IFT88: variants seen among roughly 807,000 people sequenced by gnomAD.
The protein encoded by IFT88 is intraflagellar transport protein 88 homolog.
A neutral mutation model predicts 119.5 loss-of-function variants in IFT88; 74 were observed. The observed-to-expected ratio is 0.62, with a 90% CI of 0.51 to 0.75. The LOEUF (loss-of-function observed/expected upper bound fraction) is 0.75. Ranked by LOEUF, IFT88 falls within the 30% of genes least tolerant of loss-of-function variation. IFT88 has a pLI of 0.00. For missense variants in IFT88, 961 were observed against 977.7 expected, an observed-to-expected ratio of 0.98 and a Z score of 0.23; for synonymous variants, 279 against 316.7, an observed-to-expected ratio of 0.88 and a Z score of 1.26.
intron 17 of IFT88, among the ~76,000 whole-genome samples, chr13:20,639,234 A>G (rs992715322): frequency 6.6e-6 from 1 of 151,980 alleles, no homozygotes; most frequent in Non-Finnish European, 1.5e-5. Flanking sequence ...TCTCTTTTCC[A>G]TGTTATGGAC....
At chr13:20,651,260 A>C (rs1417727183) in intron 20 of IFT88, among the ~76,000 whole-genome samples, 4 of 151,884 alleles carry the variant, frequency 2.6e-5, no homozygotes, top group Non-Finnish European at 5.9e-5. Flanking sequence ...CACTTTGAGT[A>C]GTATTGTTTT....
intron 14 of IFT88, among the ~76,000 whole-genome samples, chr13:20,623,759 G>A (rs1487560140): frequency 6.6e-6 from 1 of 152,208 alleles, no homozygotes; most frequent in African/African-American, 2.4e-5. Context: ...ACAGGCGTGA[G>A]CCACCACACC....
intron 22 of IFT88, among the ~76,000 whole-genome samples, chr13:20,660,313 G>A (rs998049922): frequency 1.3e-5 from 2 of 152,198 alleles, no homozygotes; most frequent in African/African-American, 2.4e-5. Flanking sequence ...ATGTGATGGG[G>A]AGAGAGAGGC....
At chr13:20,665,809 G>A (rs1314331940) in intron 23 of IFT88, among the ~76,000 whole-genome samples, 1 of 152,212 alleles carries the variant, frequency 6.6e-6, no homozygotes, top group Non-Finnish European at 1.5e-5. Context: ...GACCGAGAGG[G>A]GAAGGTCTTT....
At chr13:20,690,866 T>C in intron 25 of IFT88, 51 bp downstream of exon 25, 4 of 1,438,070 alleles carry the variant, frequency 2.8e-6, no homozygotes, top group Non-Finnish European at 3.9e-6. Flanking sequence ...TGAAGAAGAA[T>C]GGTGAGATGG....
At chr13:20,689,454 G>A (rs1027153619) in intron 24 of IFT88, among the ~76,000 whole-genome samples, 1 of 152,166 alleles carries the variant, frequency 6.6e-6, no homozygotes, top group Non-Finnish European at 1.5e-5. Flanking sequence ...GTTCTGTGAG[G>A]CATTTCCATC....
At chr13:20,622,970 G>C (rs1362792260) in intron 14 of IFT88, among the ~76,000 whole-genome samples, 1 of 152,136 alleles carries the variant, frequency 6.6e-6, no homozygotes, top group Non-Finnish European at 1.5e-5. Flanking sequence ...TTACAGGGAG[G>C]TCTTTGATTC....
chr13:20,636,039 A>G (rs2048980667), intron 16 of IFT88, among the ~76,000 whole-genome samples: 1 of 152,172 alleles, frequency 6.6e-6, no homozygotes, highest in African/African-American at 2.4e-5. Flanking sequence ...CAAACTAGCA[A>G]CAGTCAGCAC....
chr13:20,668,897 G>C (rs1435372894), intron 23 of IFT88, among the ~76,000 whole-genome samples: 1 of 152,174 alleles, frequency 6.6e-6, no homozygotes, highest in Non-Finnish European at 1.5e-5. Context: ...AAGTGATGAG[G>C]ACAAAAAGTG....
At chr13:20,653,848 A>G in intron 20 of IFT88, 28 bp from the exon 21 acceptor site, 2 of 1,298,848 alleles carry the variant, frequency 1.5e-6, no homozygotes, top group Non-Finnish European at 1.1e-6. Context: ...TTTTATCTCT[A>G]ATTTCATCTC....
intron 2 of IFT88, among the ~76,000 whole-genome samples, chr13:20,576,979 G>A (rs1455281491): frequency 6.6e-6 from 1 of 151,988 alleles, no homozygotes; most frequent in Non-Finnish European, 1.5e-5. Context: ...AACAATATTG[G>A]TTTTTCCAAT....
At chr13:20,578,978 C>G (rs1017192921) in intron 2 of IFT88, among the ~76,000 whole-genome samples, 10 of 152,196 alleles carry the variant, frequency 6.6e-5, no homozygotes, top group Non-Finnish European at 1.5e-5. Context: ...TTTCACAAAA[C>G]CAACTTTTTG....
chr13:20,654,823 C>T (rs970051338), intron 21 of IFT88, among the ~76,000 whole-genome samples: 5 of 152,106 alleles, frequency 3.3e-5, no homozygotes, highest in African/African-American at 1.2e-4. Context: ...TGCCTATGTT[C>T]ATTTCAACGT....
chr13:20,619,107 C>T (rs941356155), intron 14 of IFT88, among the ~76,000 whole-genome samples: 1 of 152,018 alleles, frequency 6.6e-6, no homozygotes, highest in African/African-American at 2.4e-5. Context: ...CCACCTGCCT[C>T]GGCCTCCCAA....
At chr13:20,584,698 A>G (rs78505102) in intron 3 of IFT88, among the ~76,000 whole-genome samples, 1,795 of 152,330 alleles carry the variant, frequency 0.012, 37 homozygotes, top group African/African-American at 0.042. Flanking sequence ...AGTTGAAAAT[A>G]AACAAGGTTG....
intron 23 of IFT88, among the ~76,000 whole-genome samples, chr13:20,667,425 T>C (rs563893300): frequency 2.0e-5 from 3 of 152,274 alleles, no homozygotes; most frequent in South Asian, 4.1e-4. Flanking sequence ...CTCGGGCCCC[T>C]GAGAGTGTGG....
intron 6 of IFT88, among the ~76,000 whole-genome samples, 154 bp downstream of exon 6, chr13:20,591,835 G>A (rs898653350): frequency 6.6e-6 from 1 of 152,094 alleles, no homozygotes; most frequent in Non-Finnish European, 1.5e-5. Context: ...GAAAGGAAAA[G>A]GATGATGAAA....
chr13:20,610,305 G>A (rs2044259213), intron 13 of IFT88, among the ~76,000 whole-genome samples: 2 of 151,984 alleles, frequency 1.3e-5, no homozygotes, highest in African/African-American at 4.8e-5. Flanking sequence ...TAAATACTTT[G>A]GTCCCAAGCT....
chr13:20,631,025 A>C lies in IFT88; in HGVS notation c.1309A>C (p.Ile437Leu), dbSNP rs747827799. ...RQKDYNQAVE[I>L]LKVLEKKDSR... is the part of the protein sequence containing the mutation. ...GATATTCCATTTCTAGGCTGTAGAGATCTTAAAAGTGTTGGAAAAAAAGGA... is the reference window on the plus strand; with the variant it reads ...GATATTCCATTTCTAGGCTGTAGAGCTCTTAAAAGTGTTGGAAAAAAAGGA... The change falls in exon 16 of 26, where the codon ATC (isoleucine) becomes CTC (leucine). Residue 437 changes from isoleucine to leucine, a missense_variant. Coordinates refer to ENST00000351808, the MANE Select transcript of IFT88 (RefSeq NM_006531.5). 3.2e-6 allele frequency: 5 copies of C among 1,579,946 alleles called. No homozygotes were observed. In the Admixed American group the frequency reaches 8.3e-5, roughly 26 times the overall value.
Sources: allele counts gnomAD v4.1 joint callset (sites outside exome capture counted in the v4.1 genomes callset), GRCh38; gene constraint gnomAD v4.1.1; transcripts MANE v1.5; gene names NCBI Gene and HGNC (gene_info 2026-07-23, HGNC 2026-07-21).